The following CACNB2 variants were observed in gnomAD, a reference collection of about 807,000 sequenced individuals.
CACNB2 encodes voltage-dependent L-type calcium channel subunit beta-2.
Under a neutral mutation model 73.3 loss-of-function variants are expected in CACNB2, and 42 were observed. The observed-to-expected ratio is 0.57, with a 90% CI of 0.45 to 0.74. CACNB2 has a LOEUF of 0.74. Ranked by LOEUF, CACNB2 falls within the 30% of genes least tolerant of loss-of-function variation. The probability of loss-of-function intolerance (pLI) is 0.00; values close to 1 mark genes in which losing one functional copy is unlikely to be tolerated. For missense variants in CACNB2, 940 were observed against 853.0 expected, an observed-to-expected ratio of 1.10 and a Z score of -1.27; for synonymous variants, 348 against 310.3, an observed-to-expected ratio of 1.12 and a Z score of -1.28.
intron 1 of CACNB2, among the ~76,000 whole-genome samples, chr10:18,146,650 T>C (rs553505541): frequency 6.6e-6 from 1 of 152,208 alleles, no homozygotes; most frequent in African/African-American, 2.4e-5. Flanking sequence ...GCGAATTTTT[T>C]TGTATTTTTA....
chr10:18,341,048 T>C, intron 2 of CACNB2: 1 of 1,492,654 alleles, frequency 6.7e-7, no homozygotes, highest in Non-Finnish European at 9.3e-7. Context: ...CATAGAACTG[T>C]TGCCGAGCTT....
intron 3 of CACNB2, among the ~76,000 whole-genome samples, chr10:18,435,799 C>A (rs1020466129): frequency 6.6e-6 from 1 of 152,008 alleles, no homozygotes; most frequent in African/African-American, 2.4e-5. Flanking sequence ...TCCACCTGCC[C>A]CCCAACCAAC....
At chr10:18,220,230 T>TAGAGAGAGAGAG (rs1352080814) in intron 2 of CACNB2, among the ~76,000 whole-genome samples, 20 of 34,444 alleles carry the variant, frequency 5.8e-4, no homozygotes, top group Non-Finnish European at 7.0e-4. Flanking sequence ...TATATATATA[T>TAGAGAGAGAGAG]ATAGAGAGAG....
At chr10:18,343,438 A>G (rs2041314504) in intron 2 of CACNB2, among the ~76,000 whole-genome samples, 1 of 152,144 alleles carries the variant, frequency 6.6e-6, no homozygotes, top group Non-Finnish European at 1.5e-5. Context: ...GTGATTTGGC[A>G]GATTTTATCT....
chr10:18,255,844 C>T (rs994368974), intron 2 of CACNB2, among the ~76,000 whole-genome samples: 1 of 152,176 alleles, frequency 6.6e-6, no homozygotes. Flanking sequence ...AGAGTCAATT[C>T]TGACAAAAAA....
chr10:18,491,408 A>C (rs1439944397), intron 3 of CACNB2, among the ~76,000 whole-genome samples: 1 of 152,062 alleles, frequency 6.6e-6, no homozygotes, highest in African/African-American at 2.4e-5. Context: ...TCAAAGCGAG[A>C]CCTCATCTCT....
intron 3 of CACNB2, among the ~76,000 whole-genome samples, chr10:18,496,219 T>G (rs559849586): frequency 6.7e-6 from 1 of 149,718 alleles, no homozygotes; most frequent in South Asian, 2.1e-4. Flanking sequence ...ACAGTGAATG[T>G]CAATAACTGG....
At chr10:18,296,876 T>C (rs1242492285) in intron 2 of CACNB2, among the ~76,000 whole-genome samples, 1 of 152,262 alleles carries the variant, frequency 6.6e-6, no homozygotes, top group Non-Finnish European at 1.5e-5. Flanking sequence ...GTTTAAATCC[T>C]GATTCTGCTA....
chr10:18,265,203 C>A (rs970976209), intron 2 of CACNB2, among the ~76,000 whole-genome samples: 20 of 139,678 alleles, frequency 1.4e-4, no homozygotes, highest in Non-Finnish European at 2.6e-4. Context: ...CAGGCTGAAG[C>A]GTAGTGGCAC....
intron 2 of CACNB2, among the ~76,000 whole-genome samples, chr10:18,251,028 T>A (rs774529095): frequency 4.6e-5 from 7 of 152,238 alleles, no homozygotes; most frequent in Non-Finnish European, 8.8e-5. Flanking sequence ...ATGATATGCA[T>A]CTGTGTTGAG....
intron 2 of CACNB2, among the ~76,000 whole-genome samples, chr10:18,204,472 A>G (rs2035012233): frequency 6.6e-6 from 1 of 152,220 alleles, no homozygotes; most frequent in East Asian, 1.9e-4. Context: ...ATCTTGCTCT[A>G]ATTGACAAAA....
intron 2 of CACNB2, among the ~76,000 whole-genome samples, chr10:18,155,965 G>A (rs1172253627): frequency 6.6e-6 from 1 of 151,162 alleles, no homozygotes; most frequent in Non-Finnish European, 1.5e-5. Context: ...TTATATACAT[G>A]AAAGGTTTTA....
At chr10:18,141,051 T>G in intron 1 of CACNB2, 195 bp downstream of exon 1, 1 of 1,546,396 alleles carries the variant, frequency 6.5e-7, no homozygotes, top group Non-Finnish European at 8.7e-7. Flanking sequence ...TGCCTCGGCT[T>G]CCATTTTTCT....
intron 2 of CACNB2, among the ~76,000 whole-genome samples, chr10:18,181,073 A>AG (rs2033853186): frequency 6.6e-6 from 1 of 151,604 alleles, no homozygotes; most frequent in African/African-American, 2.4e-5. Context: ...TAGAAAAAAA[A>AG]AAAAAAAAAG....
chr10:18,297,484 G>A (rs1588971419), intron 2 of CACNB2, among the ~76,000 whole-genome samples: 1 of 152,212 alleles, frequency 6.6e-6, no homozygotes, highest in East Asian at 1.9e-4. Flanking sequence ...CTTGAGCCCA[G>A]AAGTTGGAGG....
rs188459611 is a variant in CACNB2, at chr10:18,240,880, G to A, written c.213+89905G>A. On this transcript the variant is annotated intron_variant, in intron 2 of 13. Transcript: ENST00000324631. ...AGTGGCCTCCACTCTGCCCTCTCTC[G>A]CTCTTGTTTCCCACGTGGCACTTAC... is the stretch of plus-strand genomic sequence containing the variant. Among the ~76,000 whole-genome samples the A allele has an allele frequency of 3.8e-3, 575 of 152,020 alleles. 3 individuals carry two copies. Among genetic ancestry groups the A allele is most frequent in the Non-Finnish European group, 4.1e-3 (278 of 67,988 alleles).
chr10:18,403,852 G>A (rs1283813873), intron 3 of CACNB2, among the ~76,000 whole-genome samples: 1 of 151,354 alleles, frequency 6.6e-6, no homozygotes, highest in African/African-American at 2.4e-5. Context: ...TGGGTGAGAT[G>A]GGAATGGTTA....
chr10:18,355,883 G>A (rs970976706), intron 2 of CACNB2, among the ~76,000 whole-genome samples: 3 of 151,894 alleles, frequency 2.0e-5, no homozygotes, highest in Admixed American at 6.6e-5. Context: ...TGATCCACCC[G>A]CCTCTGCCTC....
intron 2 of CACNB2, among the ~76,000 whole-genome samples, chr10:18,265,679 C>G (rs1422829161): frequency 6.6e-6 from 1 of 152,026 alleles, no homozygotes; most frequent in Admixed American, 6.5e-5. Context: ...GGGTTCTTTT[C>G]TTTCTTTGAG....
Sources: gnomAD v4.1 joint callset for allele counts (sites outside exome capture counted in the v4.1 genomes callset) on GRCh38, gnomAD v4.1.1 for gene constraint, MANE v1.5 for transcripts, NCBI Gene and HGNC (gene_info 2026-07-23, HGNC 2026-07-21) for gene names.